The following KIF21B variants were observed in gnomAD, a reference collection of about 807,000 sequenced individuals.
The protein encoded by KIF21B is kinesin-like protein KIF21B.
Under a neutral mutation model 192.9 loss-of-function variants are expected in KIF21B, and 85 were observed. The observed-to-expected ratio is 0.44, with a 90% CI of 0.37 to 0.53. The LOEUF (loss-of-function observed/expected upper bound fraction) is 0.53. KIF21B is among the 20% of genes least tolerant of loss of function. The pLI is 0.00. For synonymous variants in KIF21B, 832 were observed against 884.6 expected, an observed-to-expected ratio of 0.94 and a Z score of 1.05; for missense variants, 1,716 against 2,194.8, an observed-to-expected ratio of 0.78 and a Z score of 4.36.
intron 27 of KIF21B, among the ~76,000 whole-genome samples, chr1:200,984,002 T>G (rs1656119324): frequency 6.6e-6 from 1 of 152,148 alleles, no homozygotes; most frequent in African/African-American, 2.4e-5. Flanking sequence ...CTGTCACCCC[T>G]GGGGCAGGGA....
rs371066665 is a variant in KIF21B at position 200,987,008 on chromosome 1, C to G, written c.3602G>C (p.Arg1201Pro). 3 of 1,613,956 alleles carry G rather than the reference C, an allele frequency of 1.9e-6. No individual in the cohort carries two copies. Among genetic ancestry groups the G allele is most frequent in the Non-Finnish European group, 2.5e-6 (3 of 1,180,002 alleles). ...CTCCCATCCTTACAAAGTGCTGCCC[C>G]GGGTAGGCAGACTGACGGTGCGCGA... is the stretch of plus-strand genomic sequence containing the variant. ...RVSRTVSLPT[R>P]GSTFPRQSRA... The change falls in exon 25 of 35, where the codon CGG becomes CCG. Residue 1201 changes from arginine (R) to proline (P), a missense_variant. Arg to Pro is a moderately radical substitution (Grantham distance 103). This residue lies in a region of KIF21B where 580 missense variants were observed against 775.5 expected (regional missense o/e 0.75). Transcript: ENST00000461742.
rs573876721 is a variant in KIF21B at position 200,982,472 on chromosome 1, G to C, written c.3842+584C>G. 6.6e-6 allele frequency among the ~76,000 whole-genome samples: 1 copy of C among 152,312 alleles called. No individual in the cohort carries two copies. Among genetic ancestry groups the C allele is most frequent in the Admixed American group, 6.5e-5 (1 of 15,306 alleles). ...TGCGGTGTCATGCTCGGCTGGCTGG[G>C]AGAACCAGCCTCCAGCCATCCCACA... On this transcript the variant is annotated intron_variant, in intron 28 of 34. Coordinates refer to ENST00000461742, the MANE Select transcript of KIF21B (RefSeq NM_001252102.2). The surrounding 1 kb of genome is among the most constrained non-coding windows in gnomAD (Gnocchi z 4.7).
At position 200,971,065 on chromosome 1, in the gene KIF21B, T is replaced by C. The variant is rs1655187587; in HGVS notation, c.*2456A>G. 1 of 152,882 alleles carries C rather than the reference T, an allele frequency of 6.5e-6. No individual in the cohort carries two copies. Among genetic ancestry groups the C allele is most frequent in the Non-Finnish European group, 1.5e-5 (1 of 68,110 alleles). The allele number at this position is 152,882 out of a possible 1,614,324, so 9.5% of individuals were successfully genotyped here. On this transcript the variant is annotated 3_prime_UTR_variant, in exon 35 of 35. Coordinates refer to ENST00000461742, the MANE Select transcript of KIF21B (RefSeq NM_001252102.2). ...AAGTCTGCCTGCGGGACCCTGCCATTGTGCTCAAATCACAACCATTTTGTG... is the reference window on the plus strand; with the variant it reads ...AAGTCTGCCTGCGGGACCCTGCCATCGTGCTCAAATCACAACCATTTTGTG...
rs751106348 is a variant in KIF21B at position 201,017,153 on chromosome 1, C to T, written c.41+6190G>A. 1.3e-5 allele frequency among the ~76,000 whole-genome samples: 2 copies of T among 152,154 alleles called. No individual in the cohort carries two copies. Among genetic ancestry groups the T allele is most frequent in the Non-Finnish European group, 2.9e-5 (2 of 68,018 alleles). On this transcript the variant is annotated intron_variant, in intron 1 of 34. Transcript: ENST00000461742. The surrounding 1 kb of genome is among the most constrained non-coding windows in gnomAD (Gnocchi z 4.1). ...GCCTGCCATGAGGCACCTTGAGAGT[C>T]CTGTTGTCTATGGCCCTCCAGGGCA...
chr1:200,983,683 T>C (rs2102394270), intron 27 of KIF21B, among the ~76,000 whole-genome samples: 1 of 152,266 alleles, frequency 6.6e-6, no homozygotes, highest in East Asian at 1.9e-4. Context: ...CAGAAGACCA[T>C]CAGGCTGGGA....
At chr1:201,004,553 C>T (rs1657690518) in intron 6 of KIF21B, 98 bp from the exon 7 acceptor site, 1 of 1,175,666 alleles carries the variant, frequency 8.5e-7, no homozygotes, top group Non-Finnish European at 1.2e-6. Flanking sequence ...GCCTCTTTGG[C>T]CCCAGCAGCC....
Position 201,004,711 on chromosome 1 carries a change from G to A in KIF21B, c.900+55C>T, listed in dbSNP as rs746084600. 7.5e-6 allele frequency: 12 copies of A among 1,605,762 alleles called. No individual in the cohort carries two copies. The East Asian group carries it at 8.9e-5, about 12-fold the overall frequency. ...GGTGTAGGACTGCAGGGCCTTGGAG[G>A]GGTCTGAGACTGAGCTGTGTGGGTG... is the stretch of plus-strand genomic sequence containing the variant. On this transcript the variant is annotated intron_variant, in intron 6 of 34. Transcript: ENST00000461742.
chr1:201,005,595 C>T lies in KIF21B; in HGVS notation c.547G>A (p.Gly183Ser). Residue 183 changes from glycine to serine, a missense_variant, in exon 4 of 35, where the codon GGC (glycine) becomes AGC (serine). By Grantham distance (56) the Gly-to-Ser change is moderately conservative. This residue lies in a region of KIF21B where 1,087 missense variants were observed against 1,316.6 expected (regional missense o/e 0.83). Transcript: ENST00000461742. ...NIKIHEDANG[G>S]IYTTGVTSRL... ...GAAGTGACGCCAGTGGTGTAGATGCCACCGTTTGCGTCCTCGTGGATCTTG... is the reference window on the plus strand; with the variant it reads ...GAAGTGACGCCAGTGGTGTAGATGCTACCGTTTGCGTCCTCGTGGATCTTG... 6.2e-7 allele frequency: 1 copy of T among 1,614,196 alleles called. No homozygotes were observed. Among genetic ancestry groups the T allele is most frequent in the Non-Finnish European group, 8.5e-7 (1 of 1,180,028 alleles).
In KIF21B at chr1:200,975,407, G is replaced by T. The variant is rs527906243; in HGVS notation, c.4614+92C>A. 7 of 1,213,524 alleles carry T rather than the reference G, an allele frequency of 5.8e-6. No homozygotes were observed. The East Asian group carries it at 7.2e-5, about 12-fold the overall frequency. The allele number at this position is 1,213,524 out of a possible 1,614,324, so 75.2% of individuals were successfully genotyped here. A position where few individuals can be genotyped will look rare whatever the true frequency, so the allele number is the denominator to read the frequency against. On this transcript the variant is annotated intron_variant, in intron 33 of 34. Coordinates refer to ENST00000461742, the MANE Select transcript of KIF21B (RefSeq NM_001252102.2). This position sits in a 1 kb window ranked among gnomAD's most constrained non-coding sequence, Gnocchi z 4.3. ...GTGAAAACCATCTGGCCTGGGGCCC[G>T]CGAGTCCAGGTCCCAGGGTCTCCAA...
chr1:201,001,148 T>C (rs1438734072), intron 9 of KIF21B, among the ~76,000 whole-genome samples: 1 of 151,596 alleles, frequency 6.6e-6, no homozygotes, highest in Non-Finnish European at 1.5e-5. Flanking sequence ...AGCAAGGGTC[T>C]TCAACACCAC....
At chr1:200,979,152 G>C (rs1454620660) in intron 30 of KIF21B, among the ~76,000 whole-genome samples, 1 of 152,336 alleles carries the variant, frequency 6.6e-6, no homozygotes, top group East Asian at 1.9e-4. Flanking sequence ...GTCGGGGCAG[G>C]GCTCAGGGCC....
At chr1:200,996,709 T>C (rs1182710133) in intron 14 of KIF21B, among the ~76,000 whole-genome samples, 1 of 152,166 alleles carries the variant, frequency 6.6e-6, no homozygotes, top group Non-Finnish European at 1.5e-5. Flanking sequence ...TTCTGACCCA[T>C]GATCCAGTGT....
intron 3 of KIF21B, among the ~76,000 whole-genome samples, chr1:201,007,651 C>T (rs1280178095): frequency 2.0e-4 from 30 of 148,540 alleles, no homozygotes; most frequent in Middle Eastern, 3.4e-3. Context: ...CACACACACA[C>T]AGACGCGCAC....
Position 201,017,168 on chromosome 1 carries a change from C to A in KIF21B, c.41+6175G>T, listed in dbSNP as rs1241927828. Among the ~76,000 whole-genome samples, 1 of 152,160 alleles carries A rather than the reference C, an allele frequency of 6.6e-6. No homozygotes were observed. The highest frequency in any genetic ancestry group is 2.4e-5 in the African/African-American group (1 of 41,418). On this transcript the variant is annotated intron_variant, in intron 1 of 34. Coordinates refer to ENST00000461742, the MANE Select transcript of KIF21B (RefSeq NM_001252102.2). The surrounding 1 kb of genome is among the most constrained non-coding windows in gnomAD (Gnocchi z 4.1). The stretch of plus-strand genomic sequence containing the variant: ...CCTTGAGAGTCCTGTTGTCTATGGC[C>A]CTCCAGGGCATCAGGATCTCAGCCG...
rs2102390198 is a variant in KIF21B at position 200,982,435 on chromosome 1, T to C, written c.3842+621A>G. Among the ~76,000 whole-genome samples the C allele has an allele frequency of 6.6e-6, 1 of 152,316 alleles. No individual in the cohort carries two copies. The highest frequency in any genetic ancestry group is 3.4e-3 in the Middle Eastern group (1 of 294). On this transcript the variant is annotated intron_variant, in intron 28 of 34. Coordinates refer to ENST00000461742, the MANE Select transcript of KIF21B (RefSeq NM_001252102.2). The surrounding 1 kb of genome is among the most constrained non-coding windows in gnomAD (Gnocchi z 4.7). ...GCTCGGGACCCCAGGTCCTGAGTCT[T>C]GCTCCTCGTTGTGCGGTGTCATGCT...
At chr1:200,991,198 A>G in intron 17 of KIF21B, 49 bp from the exon 18 acceptor site, 1 of 1,502,100 alleles carries the variant, frequency 6.7e-7, no homozygotes, top group Non-Finnish European at 9.2e-7. Context: ...GGTGGCCTGG[A>G]GCCACACAGA....
intron 15 of KIF21B, among the ~76,000 whole-genome samples, chr1:200,995,226 C>G (rs1030476677): frequency 1.3e-5 from 2 of 152,220 alleles, no homozygotes; most frequent in African/African-American, 4.8e-5. Context: ...GCTAGATGCC[C>G]CATCAGCCCC....
chr1:200,974,373 G>A (rs374496794), intron 34 of KIF21B, among the ~76,000 whole-genome samples: 20 of 152,186 alleles, frequency 1.3e-4, no homozygotes, highest in East Asian at 3.9e-4. Flanking sequence ...TGTAAGAGGC[G>A]TGGTCTGGGG....
intron 1 of KIF21B, among the ~76,000 whole-genome samples, chr1:201,021,461 A>T (rs1658822165): frequency 6.6e-6 from 1 of 152,082 alleles, no homozygotes; most frequent in Non-Finnish European, 1.5e-5. Flanking sequence ...GGGCACCCAG[A>T]CCCCACTTAG....
Sources: gnomAD v4.1 joint callset for allele counts (sites outside exome capture counted in the v4.1 genomes callset) on GRCh38, gnomAD v4.1.1 for gene constraint, gnomAD v4.1.1 regional missense constraint, Gnocchi (gnomAD v3.1) non-coding constraint, MANE v1.5 for transcripts, NCBI Gene and HGNC (gene_info 2026-07-23, HGNC 2026-07-21) for gene names.